The following PPP1R12B variants were observed in gnomAD, a reference collection of about 807,000 sequenced individuals.
PPP1R12B encodes protein phosphatase 1 regulatory subunit 12B.
A neutral mutation model predicts 126.1 loss-of-function variants in PPP1R12B; 76 were observed. The ratio of observed to expected loss-of-function variants is 0.60; its 90% confidence interval spans 0.50 to 0.73. The LOEUF (loss-of-function observed/expected upper bound fraction) is 0.73, where lower values mean the gene tolerates loss of function less well. Ranked by LOEUF, PPP1R12B falls within the 30% of genes least tolerant of loss-of-function variation. The pLI is 0.00. For missense variants in PPP1R12B, 1,052 were observed against 1,205.1 expected, an observed-to-expected ratio of 0.87 and a Z score of 1.88; for synonymous variants, 356 against 434.7, an observed-to-expected ratio of 0.82 and a Z score of 2.25.
chr1:202,588,850 G>GATAGAT lies in PPP1R12B; in HGVS notation c.*8292_*8297dup, dbSNP rs1689989890. 1 of 145,074 alleles carries GATAGAT rather than the reference G, an allele frequency of 6.9e-6. No homozygotes were observed. The highest frequency in any genetic ancestry group is 1.5e-5 in the Non-Finnish European group (1 of 67,524). 9.0% of individuals were successfully genotyped at this position (145,074 alleles called of 1,614,324 possible). ...AGATAGATAGATAGATAGATAGATA[G>GATAGAT]ATAGATAGATAGATAGATAGATATC... On this transcript the variant is annotated 3_prime_UTR_variant, in exon 24 of 24. Coordinates refer to ENST00000608999, the MANE Select transcript of PPP1R12B (RefSeq NM_002481.4).
chr1:202,361,468 T>G (rs1456455704), intron 1 of PPP1R12B, among the ~76,000 whole-genome samples: 1 of 152,114 alleles, frequency 6.6e-6, no homozygotes, highest in Non-Finnish European at 1.5e-5. Flanking sequence ...AGATCTCCTG[T>G]GAAGAGAAGA....
At chr1:202,386,263 G>T (rs908929627) in intron 1 of PPP1R12B, among the ~76,000 whole-genome samples, 1 of 151,826 alleles carries the variant, frequency 6.6e-6, no homozygotes, top group Non-Finnish European at 1.5e-5. Flanking sequence ...AAAAATACAT[G>T]GCTAACTTCA....
chr1:202,487,789 G>C (rs1043460222), intron 13 of PPP1R12B, among the ~76,000 whole-genome samples: 2 of 151,936 alleles, frequency 1.3e-5, no homozygotes. Flanking sequence ...TGTATTTTTA[G>C]TAGAGACAGG....
rs189020484 is a variant in PPP1R12B at position 202,372,917 on chromosome 1, T to A, written c.291+23775T>A. ...TGGATTTTTCAGTTATATATTAGCA[T>A]CTGTTAATCCTGATGATAATTTCTT... On this transcript the variant is annotated intron_variant, in intron 1 of 23. Coordinates refer to ENST00000608999, the MANE Select transcript of PPP1R12B (RefSeq NM_002481.4). Among the ~76,000 whole-genome samples the A allele has an allele frequency of 2.6e-3, 397 of 152,252 alleles. 7 individuals are homozygous for A. Among genetic ancestry groups the A allele is most frequent in the Non-Finnish European group, 4.9e-4 (33 of 67,992 alleles).
Position 202,488,561 on chromosome 1 carries a change from G to A in PPP1R12B, c.1879G>A (p.Glu627Lys), listed in dbSNP as rs777677527. The change falls in exon 14 of 24, where the codon GAA (glutamate) becomes AAA (lysine). Residue 627 changes from glutamate to lysine, a missense_variant. Transcript: ENST00000608999. Reference sequence around the variant, plus strand: ...CTATCTGACTCCTGTACGGGATGAGGAAGCAGAGTCTTTACGGAAAGCACG... The same window carrying A: ...CTATCTGACTCCTGTACGGGATGAGAAAGCAGAGTCTTTACGGAAAGCACG... ...RSYLTPVRDE[E>K]AESLRKARSR... 3.7e-6 allele frequency: 6 copies of A among 1,612,662 alleles called. No homozygotes were observed. In the Admixed American group the frequency reaches 6.7e-5, roughly 18 times the overall value.
chr1:202,409,598 G>A (rs200645357), intron 1 of PPP1R12B, among the ~76,000 whole-genome samples: 33 of 152,234 alleles, frequency 2.2e-4, no homozygotes, highest in South Asian at 6.2e-4. Flanking sequence ...GAGATTACAG[G>A]TGTGACCCAC....
chr1:202,348,925 G>C lies in PPP1R12B; in HGVS notation c.74G>C (p.Arg25Pro). ...ATGCGGCGGGCAGAGCAGCTTCGGC[G>C]CTGGCGGGGCTCGCTGACAGAGCAG... ...ARMRRAEQLR[R>P]WRGSLTEQEP... Residue 25 changes from arginine (R) to proline (P), a missense_variant, in exon 1 of 24, where the codon CGC becomes CCC. By Grantham distance (103) the Arg-to-Pro change is moderately radical (BLOSUM62 -2). Transcript: ENST00000608999. 3.1e-6 allele frequency: 5 copies of C among 1,606,042 alleles called. No individual in the cohort carries two copies. Among genetic ancestry groups the C allele is most frequent in the Non-Finnish European group, 4.2e-6 (5 of 1,177,474 alleles).
In PPP1R12B at chr1:202,564,430, C is replaced by G; in HGVS notation, c.2653-13C>G. ...AACGCGAACGCTGATCCTCTTTTTT[C>G]CCTCTCCTCTAGCTCTATGAGAGTG... On this transcript the variant is annotated splice_polypyrimidine_tract_variant and intron_variant, in intron 20 of 23. Transcript: ENST00000608999. The G allele has an allele frequency of 6.3e-7, 1 of 1,587,180 alleles. No homozygotes were observed. The highest frequency in any genetic ancestry group is 8.6e-7 in the Non-Finnish European group (1 of 1,159,028).
chr1:202,485,673 A>G (rs1260287943), intron 13 of PPP1R12B, among the ~76,000 whole-genome samples: 5 of 152,000 alleles, frequency 3.3e-5, no homozygotes, highest in South Asian at 2.1e-4. Flanking sequence ...TCCCCTCTCT[A>G]TGGTGCTGCC....
intron 1 of PPP1R12B, among the ~76,000 whole-genome samples, chr1:202,370,784 T>C (rs1660090532): frequency 6.6e-6 from 1 of 152,116 alleles, no homozygotes; most frequent in South Asian, 2.1e-4. Flanking sequence ...GTGATCCACC[T>C]GCCTCAGCCT....
intron 13 of PPP1R12B, among the ~76,000 whole-genome samples, chr1:202,460,621 GCCATTA>G (rs1674193626): frequency 6.6e-6 from 1 of 151,836 alleles, no homozygotes; most frequent in South Asian, 2.1e-4. Flanking sequence ...CGGCCATGCT[GCCATTA>G]CCAAGTTTTT....
rs1256198556 is a variant in PPP1R12B, at chr1:202,430,582, A to G, written c.922-149A>G. 3.9e-5 allele frequency: 26 copies of G among 673,254 alleles called. 1 individual carries two copies. The South Asian group carries it at 6.5e-4, about 17-fold the overall frequency. The allele number at this position is 673,254 out of a possible 1,614,324, so 41.7% of individuals were successfully genotyped here. On this transcript the variant is annotated intron_variant, in intron 6 of 23. Transcript: ENST00000608999. The stretch of plus-strand genomic sequence containing the variant: ...TGTCATCTAAGGAGACCCAACTGAT[A>G]TGTTTCTCTTTTTCTCGGGTTCCCC...
chr1:202,588,716 C>T lies in PPP1R12B; in HGVS notation c.*8156C>T, dbSNP rs1251627001. On this transcript the variant is annotated 3_prime_UTR_variant, in exon 24 of 24. Coordinates refer to ENST00000608999, the MANE Select transcript of PPP1R12B (RefSeq NM_002481.4). ...CACATAGAGGCCCCTTCCCCAGGGA[C>T]AGCCACAGTGAGTCATGGCCACTGA... 3.9e-5 allele frequency: 6 copies of T among 152,076 alleles called. No homozygotes were observed. The highest frequency in any genetic ancestry group is 8.8e-5 in the Non-Finnish European group (6 of 68,038). The allele number at this position is 152,076 out of a possible 1,614,324, so 9.4% of individuals were successfully genotyped here.
At chr1:202,483,943 G>A (rs1677737445) in intron 13 of PPP1R12B, among the ~76,000 whole-genome samples, 1 of 151,942 alleles carries the variant, frequency 6.6e-6, no homozygotes, top group Admixed American at 6.5e-5. Flanking sequence ...TGCTCACTTG[G>A]TTTCCATTTG....
At chr1:202,379,678 A>T (rs2148483325) in intron 1 of PPP1R12B, among the ~76,000 whole-genome samples, 1 of 152,266 alleles carries the variant, frequency 6.6e-6, no homozygotes, top group Non-Finnish European at 1.5e-5. Context: ...TTTTCCCCTA[A>T]TTTCACATCT....
intron 1 of PPP1R12B, among the ~76,000 whole-genome samples, chr1:202,398,893 A>G (rs1665399766): frequency 6.6e-6 from 1 of 152,158 alleles, no homozygotes; most frequent in South Asian, 2.1e-4. Context: ...TCATTCTGTT[A>G]ACTTCTTGGT....
At chr1:202,538,067 C>G (rs917295410) in intron 18 of PPP1R12B, among the ~76,000 whole-genome samples, 1 of 152,188 alleles carries the variant, frequency 6.6e-6, no homozygotes, top group Non-Finnish European at 1.5e-5. Flanking sequence ...CAAGGCTTAC[C>G]GCAACCTCTG....
rs1553332150 is a variant in PPP1R12B at position 202,588,849 on chromosome 1, A to AGAT, written c.*8290_*8292dup. On this transcript the variant is annotated 3_prime_UTR_variant, in exon 24 of 24. Coordinates refer to ENST00000608999, the MANE Select transcript of PPP1R12B (RefSeq NM_002481.4). ...AAGATAGATAGATAGATAGATAGATAGATAGATAGATAGATAGATAGATAT... is the reference window on the plus strand; with the variant it reads ...AAGATAGATAGATAGATAGATAGATAGATGATAGATAGATAGATAGATAGATAT... The AGAT allele has an allele frequency of 6.9e-6, 1 of 144,894 alleles. No individual in the cohort carries two copies. The highest frequency in any genetic ancestry group is 1.5e-5 in the Non-Finnish European group (1 of 67,464). 9.0% of individuals were successfully genotyped at this position (144,894 alleles called of 1,614,324 possible). A position where few individuals can be genotyped will look rare whatever the true frequency, so the allele number is the denominator to read the frequency against.
chr1:202,471,813 A>G, intron 13 of PPP1R12B: 3 of 1,285,492 alleles, frequency 2.3e-6, no homozygotes, highest in Non-Finnish European at 3.2e-6. Flanking sequence ...TTTTTTATCC[A>G]AAATGTGTTT....
Sources: gnomAD v4.1 joint callset for allele counts (sites outside exome capture counted in the v4.1 genomes callset) on GRCh38, gnomAD v4.1.1 for gene constraint, MANE v1.5 for transcripts, NCBI Gene and HGNC (gene_info 2026-07-23, HGNC 2026-07-21) for gene names.